The following SDK1 variants were observed in gnomAD, a reference collection of about 807,000 sequenced individuals.
SDK1 encodes the protein sidekick cell adhesion molecule 1.
Under a neutral mutation model 245.5 loss-of-function variants are expected in SDK1, and 157 were observed. That is an observed-to-expected ratio of 0.64 (90% confidence interval 0.56 to 0.73). The LOEUF (loss-of-function observed/expected upper bound fraction) is 0.73. SDK1 is among the 30% of genes least tolerant of loss of function. SDK1 has a pLI of 0.00. For missense variants in SDK1, 3,583 were observed against 3,002.3 expected (o/e 1.19, Z -4.52); for synonymous variants, 1,647 against 1,278.5 (o/e 1.29, Z -6.15).
At chr7:3,440,757 C>G (rs1780171015) in intron 1 of SDK1, among the ~76,000 whole-genome samples, 1 of 152,070 alleles carries the variant, frequency 6.6e-6, no homozygotes, top group African/African-American at 2.4e-5. Context: ...TGAAACAGGA[C>G]AAGTAAATTT....
intron 5 of SDK1, among the ~76,000 whole-genome samples, chr7:3,870,393 A>T (rs1336169233): frequency 1.3e-5 from 2 of 152,142 alleles, no homozygotes; most frequent in African/African-American, 4.8e-5. Context: ...GGAGTGCTCA[A>T]TAAGGATGTA....
intron 4 of SDK1, among the ~76,000 whole-genome samples, chr7:3,672,280 G>T (rs1198928721): frequency 6.6e-6 from 1 of 151,954 alleles, no homozygotes; most frequent in Non-Finnish European, 1.5e-5. Flanking sequence ...CCCAGTTATT[G>T]TGAATACCCA....
chr7:3,349,766 AT>A (rs10718478), intron 1 of SDK1, among the ~76,000 whole-genome samples: 58,145 of 151,030 alleles, frequency 0.38, 11,392 homozygotes, highest in African/African-American at 0.46. Context: ...CGCCTGGTTA[AT>A]TTTTTTTTGT....
chr7:3,820,821 G>T (rs1466334413), intron 4 of SDK1, among the ~76,000 whole-genome samples: 2 of 152,164 alleles, frequency 1.3e-5, no homozygotes, highest in Non-Finnish European at 2.9e-5. Flanking sequence ...GAATGAGAAG[G>T]TCTTGGTCAC....
At chr7:3,411,652 T>C (rs1227840467) in intron 1 of SDK1, among the ~76,000 whole-genome samples, 1 of 152,200 alleles carries the variant, frequency 6.6e-6, no homozygotes, top group Non-Finnish European at 1.5e-5. Flanking sequence ...AATATGCTAA[T>C]TTTAACCTGA....
intron 4 of SDK1, among the ~76,000 whole-genome samples, chr7:3,676,082 C>T (rs893043004): frequency 2.6e-5 from 4 of 152,314 alleles, no homozygotes; most frequent in Admixed American, 1.3e-4. Context: ...TCTTCCACCT[C>T]AGCCTCCCAA....
chr7:3,835,671 C>A (rs751913040), intron 5 of SDK1, among the ~76,000 whole-genome samples: 1 of 152,178 alleles, frequency 6.6e-6, no homozygotes, highest in Non-Finnish European at 1.5e-5. Flanking sequence ...GAAATGCATT[C>A]ATTAATTCAT....
Position 4,149,468 on chromosome 7 carries a change from TGA to T in SDK1, c.4625+11_4625+12del. 3 of 1,468,658 alleles carry T rather than the reference TGA, an allele frequency of 2.0e-6. No homozygotes were observed. The highest frequency in any genetic ancestry group is 1.8e-6 in the Non-Finnish European group (2 of 1,106,756). The allele number at this position is 1,468,658 out of a possible 1,614,324, so 91.0% of individuals were successfully genotyped here. On this transcript the variant is annotated splice_donor_region_variant and intron_variant, in intron 30 of 44. Coordinates refer to ENST00000404826, the MANE Select transcript of SDK1 (RefSeq NM_152744.4). ...GACAGCATGCGTCGTTGACAGGTAC[TGA>T]GAGAGCAGGAGCACCTCCCCGGGGA...
At chr7:3,428,695 A>T (rs1360108171) in intron 1 of SDK1, among the ~76,000 whole-genome samples, 2 of 152,150 alleles carry the variant, frequency 1.3e-5, no homozygotes, top group African/African-American at 4.8e-5. Context: ...AAATCCAATT[A>T]TTGTAAAGAG....
chr7:4,195,939 C>G (rs1783551917), intron 35 of SDK1, among the ~76,000 whole-genome samples: 1 of 152,204 alleles, frequency 6.6e-6, no homozygotes, highest in Non-Finnish European at 1.5e-5. Flanking sequence ...GCCCAAGTCT[C>G]TCCACCACAC....
At chr7:3,834,471 G>A (rs956277520) in intron 5 of SDK1, among the ~76,000 whole-genome samples, 3 of 152,202 alleles carry the variant, frequency 2.0e-5, no homozygotes, top group Admixed American at 2.0e-4. Context: ...TTCCGATGCT[G>A]GAACAGCTTT....
intron 1 of SDK1, among the ~76,000 whole-genome samples, chr7:3,547,316 T>C (rs1156409241): frequency 6.6e-6 from 1 of 152,164 alleles, no homozygotes; most frequent in African/African-American, 2.4e-5. Context: ...CTAACTGTAT[T>C]GGTCAAAGCA....
chr7:4,265,522 A>G lies in SDK1; in HGVS notation c.*138A>G. 1 of 1,355,392 alleles carries G rather than the reference A, an allele frequency of 7.4e-7. No homozygotes were observed. Among genetic ancestry groups the G allele is most frequent in the Non-Finnish European group, 9.4e-7 (1 of 1,062,584 alleles). 84.0% of individuals were successfully genotyped at this position (1,355,392 alleles called of 1,614,324 possible). A position where few individuals can be genotyped will look rare whatever the true frequency, so the allele number is the denominator to read the frequency against. ...AATCTGATAAGTGATGATTTTACCT[A>G]CTTGTGGACACTAGATTTCAATTAG... On this transcript the variant is annotated 3_prime_UTR_variant, in exon 45 of 45. Transcript: ENST00000404826.
chr7:4,168,258 G>T (rs942557627), intron 32 of SDK1, among the ~76,000 whole-genome samples: 2 of 152,218 alleles, frequency 1.3e-5, no homozygotes, highest in Non-Finnish European at 2.9e-5. Context: ...TGCCAGGAGC[G>T]GATGCATTTT....
chr7:4,130,139 C>T, intron 27 of SDK1, 42 bp downstream of exon 27: 4 of 1,515,000 alleles, frequency 2.6e-6, no homozygotes, highest in Non-Finnish European at 3.5e-6. Flanking sequence ...TGCTGCCTCC[C>T]AGGTTGGCCT....
intron 1 of SDK1, among the ~76,000 whole-genome samples, chr7:3,308,384 G>T (rs6944617): frequency 0.15 from 23,155 of 152,126 alleles, 2,781 homozygotes; most frequent in African/African-American, 0.33. Context: ...ATAATGTTAT[G>T]TTGGTTTAAT....
chr7:3,817,270 C>T (rs1010271313), intron 4 of SDK1, among the ~76,000 whole-genome samples: 6 of 152,140 alleles, frequency 3.9e-5, no homozygotes, highest in African/African-American at 1.4e-4. Context: ...TCCATAGATA[C>T]TCTTAAGGGA....
intron 14 of SDK1, among the ~76,000 whole-genome samples, chr7:4,004,831 A>G (rs1459206267): frequency 6.6e-6 from 1 of 152,126 alleles, no homozygotes; most frequent in Non-Finnish European, 1.5e-5. Context: ...GTGTCTAAAA[A>G]GAAAGGTCTT....
In SDK1 at chr7:3,661,878, A is replaced by T. The variant is rs1202086460; in HGVS notation, c.713+19773A>T. Among the ~76,000 whole-genome samples the T allele has an allele frequency of 2.0e-5, 3 of 152,068 alleles. No individual in the cohort carries two copies. The East Asian group carries it at 5.8e-4, about 29-fold the overall frequency. ...GGTGTAGTAATAACACCTGCCTCAT[A>T]GCATGGCTGAGGGGGTTACCTGTTT... On this transcript the variant is annotated intron_variant, in intron 4 of 44. Transcript: ENST00000404826.
Sources: gnomAD v4.1 joint callset for allele counts (sites outside exome capture counted in the v4.1 genomes callset) on GRCh38, gnomAD v4.1.1 for gene constraint, MANE v1.5 for transcripts, NCBI Gene and HGNC (gene_info 2026-07-23, HGNC 2026-07-21) for gene names.